The following REEP1 variants were observed in gnomAD, a reference collection of about 807,000 sequenced individuals.
The protein encoded by REEP1 is receptor accessory protein 1.
Under a neutral mutation model 40.3 loss-of-function variants are expected in REEP1, and 22 were observed. The ratio of observed to expected loss-of-function variants is 0.55; its 90% CI spans 0.39 to 0.78. REEP1 has a LOEUF of 0.78. Ranked by LOEUF, REEP1 falls within the 30% of genes least tolerant of loss-of-function variation. REEP1 has a pLI of 0.00. For synonymous variants in REEP1, 116 were observed against 139.2 expected, an observed-to-expected ratio of 0.83 and a Z score of 1.17; for missense variants, 280 against 361.1, an observed-to-expected ratio of 0.78 and a Z score of 1.82.
intron 5 of REEP1, among the ~76,000 whole-genome samples, chr2:86,244,530 G>A (rs1558883798): frequency 6.6e-6 from 1 of 152,240 alleles, no homozygotes. Flanking sequence ...TAGAGAGCAA[G>A]TCAGGAAAGC....
chr2:86,272,731 C>T (rs974654983), intron 2 of REEP1, among the ~76,000 whole-genome samples: 7 of 152,224 alleles, frequency 4.6e-5, no homozygotes, highest in Non-Finnish European at 1.0e-4. Context: ...TTCCTTACTT[C>T]AGAACACCAC....
intron 1 of REEP1, among the ~76,000 whole-genome samples, chr2:86,289,249 A>C (rs184334574): frequency 2.0e-5 from 3 of 152,246 alleles, no homozygotes; most frequent in Non-Finnish European, 4.4e-5. Flanking sequence ...TTAGGAATTC[A>C]ATTTTATTCT....
At chr2:86,321,214 C>A (rs1015429043) in intron 1 of REEP1, among the ~76,000 whole-genome samples, 1 of 152,060 alleles carries the variant, frequency 6.6e-6, no homozygotes, top group African/African-American at 2.4e-5. Flanking sequence ...GGTGCAGAAG[C>A]AATATTGTTA....
At chr2:86,257,397 A>G (rs1308951790) in intron 3 of REEP1, among the ~76,000 whole-genome samples, 2 of 152,212 alleles carry the variant, frequency 1.3e-5, no homozygotes, top group Non-Finnish European at 2.9e-5. Context: ...TCCCCCGCCT[A>G]ACCCCTAGTC....
chr2:86,219,132 T>C (rs1674281100), intron 8 of REEP1, among the ~76,000 whole-genome samples: 1 of 152,154 alleles, frequency 6.6e-6, no homozygotes, highest in South Asian at 2.1e-4. Context: ...ATCCTACAAC[T>C]GAAAATAGCA....
Position 86,216,938 on chromosome 2 carries a change from T to C in REEP1, c.*101A>G, listed in dbSNP as rs922447847. 4.1e-6 allele frequency: 4 copies of C among 964,680 alleles called. No homozygotes were observed. The highest frequency in any genetic ancestry group is 6.6e-6 in the Non-Finnish European group (4 of 609,546). 59.8% of individuals were successfully genotyped at this position (964,680 alleles called of 1,614,324 possible). On this transcript the variant is annotated 3_prime_UTR_variant, in exon 9 of 9. Coordinates refer to ENST00000538924, the MANE Select transcript of REEP1 (RefSeq NM_001371279.1). Reference sequence around the variant, plus strand: ...AGGCCATGTTTGTGAGGCTGCACACTCAAAGCACACCCAGCTTGCGGATTT... The same window carrying C: ...AGGCCATGTTTGTGAGGCTGCACACCCAAAGCACACCCAGCTTGCGGATTT...
intron 1 of REEP1, among the ~76,000 whole-genome samples, chr2:86,308,202 G>T (rs1240331048): frequency 6.6e-6 from 1 of 152,210 alleles, no homozygotes; most frequent in East Asian, 1.9e-4. Flanking sequence ...TTAGATGCAA[G>T]ATCCAAAGGC....
At chr2:86,315,585 G>A (rs557585617) in intron 1 of REEP1, among the ~76,000 whole-genome samples, 1 of 152,338 alleles carries the variant, frequency 6.6e-6, no homozygotes, top group South Asian at 2.1e-4. Context: ...CACCTGCTGA[G>A]TGAATAAAGA....
intron 2 of REEP1, among the ~76,000 whole-genome samples, chr2:86,281,648 C>T (rs1214370572): frequency 1.3e-5 from 2 of 152,070 alleles, no homozygotes; most frequent in African/African-American, 2.4e-5. Flanking sequence ...ACTATGAAAA[C>T]AGATATAGGA....
At chr2:86,336,110 G>C (rs1251286106) in intron 1 of REEP1, among the ~76,000 whole-genome samples, 1 of 152,144 alleles carries the variant, frequency 6.6e-6, no homozygotes, top group Non-Finnish European at 1.5e-5. Flanking sequence ...AGACAGTGTT[G>C]GTCAGGCATG....
chr2:86,331,851 C>T (rs1240267347), intron 1 of REEP1, among the ~76,000 whole-genome samples: 3 of 152,156 alleles, frequency 2.0e-5, no homozygotes, highest in African/African-American at 4.8e-5. Context: ...GCCATCTTCC[C>T]TGCATAAAGC....
At chr2:86,311,806 A>T (rs1573031254) in intron 1 of REEP1, among the ~76,000 whole-genome samples, 1 of 152,062 alleles carries the variant, frequency 6.6e-6, no homozygotes, top group Non-Finnish European at 1.5e-5. Context: ...AGTATCTGTC[A>T]CCCCTATGTG....
chr2:86,268,651 T>C (rs1401933107), intron 2 of REEP1, among the ~76,000 whole-genome samples: 1 of 152,042 alleles, frequency 6.6e-6, no homozygotes, highest in African/African-American at 2.4e-5. Flanking sequence ...TATGGAAAGG[T>C]AAAAGACCAG....
intron 5 of REEP1, among the ~76,000 whole-genome samples, chr2:86,247,704 G>A (rs1351754955): frequency 6.6e-6 from 1 of 151,928 alleles, no homozygotes; most frequent in South Asian, 2.1e-4. Context: ...CCGAGTAGCT[G>A]GGATTACAGG....
chr2:86,306,967 G>A (rs1480093167), intron 1 of REEP1, among the ~76,000 whole-genome samples: 1 of 151,962 alleles, frequency 6.6e-6, no homozygotes, highest in Non-Finnish European at 1.5e-5. Context: ...CACTTTGGGA[G>A]GCTGAGGTGG....
intron 1 of REEP1, among the ~76,000 whole-genome samples, chr2:86,311,485 T>C (rs1481820836): frequency 6.6e-6 from 1 of 152,166 alleles, no homozygotes; most frequent in Non-Finnish European, 1.5e-5. Flanking sequence ...CTGGAGGATC[T>C]AGGGGAGGAT....
At chr2:86,269,136 G>A (rs925242129) in intron 2 of REEP1, among the ~76,000 whole-genome samples, 1 of 152,178 alleles carries the variant, frequency 6.6e-6, no homozygotes. Context: ...AAATCGTTAA[G>A]TTGGACTTCA....
chr2:86,257,372 A>G (rs1192185298), intron 3 of REEP1, among the ~76,000 whole-genome samples: 1 of 152,020 alleles, frequency 6.6e-6, no homozygotes, highest in East Asian at 1.9e-4. Context: ...AGGAGTATAC[A>G]ACGAAGAGTC....
chr2:86,309,230 CT>C, intron 1 of REEP1, among the ~76,000 whole-genome samples: 1 of 152,344 alleles, frequency 6.6e-6, no homozygotes, highest in East Asian at 1.9e-4. Context: ...GTCAGCACCC[CT>C]AACCTCTCTG....
Sources: gnomAD v4.1 joint callset for allele counts (sites outside exome capture counted in the v4.1 genomes callset) on GRCh38, gnomAD v4.1.1 for gene constraint, MANE v1.5 for transcripts, NCBI Gene and HGNC (gene_info 2026-07-23, HGNC 2026-07-21) for gene names.